The following POU2F2 variants were observed in gnomAD, a reference collection of about 807,000 sequenced individuals.
The protein encoded by POU2F2 is POU class 2 homeobox 2.
Under a neutral mutation model 63.5 loss-of-function variants are expected in POU2F2, and 14 were observed. The observed-to-expected ratio is 0.22, with a 90% CI of 0.15 to 0.34. The LOEUF (loss-of-function observed/expected upper bound fraction) is 0.34. Ranked by LOEUF, POU2F2 falls within the 10% of genes least tolerant of loss-of-function variation. POU2F2 has a pLI of 1.00. For synonymous variants in POU2F2, 306 were observed against 348.6 expected (o/e 0.88, Z 1.36); for missense variants, 607 against 815.2 (o/e 0.74, Z 3.11).
intron 1 of POU2F2, among the ~76,000 whole-genome samples, chr19:42,190,481 C>G (rs776377984): frequency 1.4e-4 from 21 of 152,018 alleles, no homozygotes; most frequent in Non-Finnish European, 2.8e-4. Context: ...ATGTGCTACT[C>G]TGCCACCATT....
upstream of POU2F2, among the ~76,000 whole-genome samples, chr19:42,135,946 T>C (rs948401323): frequency 7.9e-5 from 12 of 151,904 alleles, no homozygotes; most frequent in African/African-American, 2.9e-4. Context: ...CCTGAGATCA[T>C]GTGATCCACA....
At chr19:42,130,725 CT>C (rs1018969586) in intron 1 of POU2F2, among the ~76,000 whole-genome samples, 2 of 151,440 alleles carry the variant, frequency 1.3e-5, no homozygotes, top group African/African-American at 4.9e-5. Context: ...TCCTCACCGC[CT>C]TTGCTTGCTC....
upstream of POU2F2, among the ~76,000 whole-genome samples, chr19:42,135,859 C>T (rs962717087): frequency 6.6e-6 from 1 of 152,024 alleles, no homozygotes; most frequent in African/African-American, 2.4e-5. Flanking sequence ...TACAGGTGCA[C>T]ACCACCAGGC....
intron 5 of POU2F2, among the ~76,000 whole-genome samples, chr19:42,100,966 G>A (rs933454745): frequency 6.6e-6 from 1 of 151,988 alleles, no homozygotes; most frequent in African/African-American, 2.4e-5. Context: ...AGGCATGGTG[G>A]CACACACTTG....
intron 1 of POU2F2, among the ~76,000 whole-genome samples, chr19:42,190,122 G>A (rs1599733998): frequency 1.3e-5 from 2 of 152,248 alleles, no homozygotes; most frequent in Non-Finnish European, 2.9e-5. Context: ...TGTGGAAACA[G>A]GGAAGGGAAG....
Position 42,091,922 on chromosome 19 carries a change from C to G in POU2F2, c.1485G>C (p.Leu495Phe), listed in dbSNP as rs1415069362. ...TGAGGGCTGGACTCAGCCCGGAGCT[C>G]AACCCCACCATTGTGCTTCTGCAAG... ...NPSTGSTMVG[L>F]SSGLSPALMS... The change falls in exon 14 of 15, where the codon TTG (leucine) becomes TTC (phenylalanine). Residue 495 changes from leucine (L) to phenylalanine (F), a missense_variant. Leu to Phe is a conservative substitution (Grantham distance 22). Transcript: ENST00000692977. 6 of 1,541,356 alleles carry G rather than the reference C, an allele frequency of 3.9e-6. No individual in the cohort carries two copies. The highest frequency in any genetic ancestry group is 4.4e-6 in the Non-Finnish European group (5 of 1,146,270).
In POU2F2 at chr19:42,091,461, C is replaced by T. The variant is rs1218034291; in HGVS notation, c.1671G>A (p.Gly557=). The change falls in exon 15 of 15, where the codon GGG becomes GGA. Residue 557 remains glycine (G), a synonymous_variant. Transcript: ENST00000692977. Reference sequence around the variant, plus strand: ...CAGGCGGGGTGCTGAGCAGGGGCAGCCCAGCATGATTCAAGAAGAGCGGCG... The same window carrying T: ...CAGGCGGGGTGCTGAGCAGGGGCAGTCCAGCATGATTCAAGAAGAGCGGCG... ...VTSPLFLNHA[G]LPLLSTPPGV... 2 of 1,550,336 alleles carry T rather than the reference C, an allele frequency of 1.3e-6. No homozygotes were observed. Among genetic ancestry groups the T allele is most frequent in the Middle Eastern group, 1.7e-4 (1 of 5,904 alleles).
chr19:42,172,688 C>T (rs752321265), intron 1 of POU2F2, among the ~76,000 whole-genome samples: 1 of 152,148 alleles, frequency 6.6e-6, no homozygotes, highest in African/African-American at 2.4e-5. Context: ...CAGGCCCAGC[C>T]CCAAACCATC....
chr19:42,109,786 G>A (rs917907018), intron 5 of POU2F2, among the ~76,000 whole-genome samples: 9 of 152,078 alleles, frequency 5.9e-5, no homozygotes, highest in Non-Finnish European at 8.8e-5. Context: ...ATTACACTGC[G>A]CCACTGTGTC....
rs369280339 is a variant in POU2F2, at chr19:42,093,915, G to T, written c.1198-20C>A. ...TGTGACCTGAGGAGAGAAGAAAGGA[G>T]GTGTGGTTAGCCACTGTCTGCCAGC... On this transcript the variant is annotated intron_variant, in intron 11 of 14. Transcript: ENST00000692977. The T allele has an allele frequency of 8.1e-6, 13 of 1,600,674 alleles. No homozygotes were observed. The highest frequency in any genetic ancestry group is 1.1e-5 in the Non-Finnish European group (13 of 1,169,704).
In POU2F2 at chr19:42,162,099, C is replaced by G. The variant is rs2034563642; in HGVS notation, c.-69-1707G>C. Among the ~76,000 whole-genome samples, 1 of 152,110 alleles carries G rather than the reference C, an allele frequency of 6.6e-6. No individual in the cohort carries two copies. Among genetic ancestry groups the G allele is most frequent in the Non-Finnish European group, 1.5e-5 (1 of 68,004 alleles). On this transcript the variant is annotated intron_variant, in intron 1 of 6. Transcript: ENST00000524801. This position sits in a 1 kb window ranked among gnomAD's most constrained non-coding sequence, Gnocchi z 4.1. ...AGGGAATCCCCAGGCCTCGGGGGGG[C>G]CAGAGTCAGACAGCGCCTTAGGGCT...
At chr19:42,120,148 C>T (rs985351930) in intron 4 of POU2F2, among the ~76,000 whole-genome samples, 37 of 151,548 alleles carry the variant, frequency 2.4e-4, no homozygotes, top group African/African-American at 7.5e-4. Flanking sequence ...CGGGCTCAAG[C>T]GATCTACCCA....
chr19:42,123,294 C>T (rs532982064), intron 1 of POU2F2: 1 of 152,468 alleles, frequency 6.6e-6, no homozygotes, highest in South Asian at 2.1e-4. Flanking sequence ...TGAGCCCCAG[C>T]TGCAGTCTCA....
At chr19:42,104,335 C>G (rs1366392007) in intron 5 of POU2F2, among the ~76,000 whole-genome samples, 1 of 152,032 alleles carries the variant, frequency 6.6e-6, no homozygotes, top group Non-Finnish European at 1.5e-5. Context: ...CATTCTACTG[C>G]TAAAAATTTA....
chr19:42,098,424 A>AG (rs1294547361), intron 7 of POU2F2, among the ~76,000 whole-genome samples: 3 of 151,876 alleles, frequency 2.0e-5, no homozygotes, highest in East Asian at 3.8e-4. Context: ...AAAAAAAAAA[A>AG]AAAAACAAAA....
chr19:42,087,392 C>T lies in POU2F2; in HGVS notation c.*3865G>A, dbSNP rs1037626721. 4.6e-5 allele frequency: 7 copies of T among 152,132 alleles called. No homozygotes were observed. Among genetic ancestry groups the T allele is most frequent in the East Asian group, 1.9e-4 (1 of 5,168 alleles). The allele number at this position is 152,132 out of a possible 1,614,324, so 9.4% of individuals were successfully genotyped here. A position where few individuals can be genotyped will look rare whatever the true frequency, so the allele number is the denominator to read the frequency against. ...GGTCACCCTGACTTGGCTAGTCCCT[C>T]GCCAGATCTCCCCAGGGCTTGGAGA... On this transcript the variant is annotated 3_prime_UTR_variant, in exon 15 of 15. Coordinates refer to ENST00000692977, the MANE Select transcript of POU2F2 (RefSeq NM_001394376.1).
rs2034712614 is a variant in POU2F2 at position 42,169,348 on chromosome 19, C to A, written c.-70+6615G>T. On this transcript the variant is annotated intron_variant, in intron 1 of 6. Coordinates refer to the POU2F2 transcript ENST00000524801. This position sits in a 1 kb window ranked among gnomAD's most constrained non-coding sequence, Gnocchi z 4.3. ...AACAAATCTCCACACGAGGAGCACC[C>A]TGGTGTTTTGGTGTCTGTCTTGCCC... Among the ~76,000 whole-genome samples the A allele has an allele frequency of 6.6e-6, 1 of 152,174 alleles. No homozygotes were observed. The highest frequency in any genetic ancestry group is 2.1e-4 in the South Asian group (1 of 4,832).
chr19:42,190,822 G>A (rs1008186624), intron 1 of POU2F2, among the ~76,000 whole-genome samples: 3 of 152,122 alleles, frequency 2.0e-5, no homozygotes, highest in Admixed American at 6.5e-5. Flanking sequence ...ATACCTGGTA[G>A]GCCAAGGAAG....
rs1454062091 is a variant in POU2F2, at chr19:42,117,382, G to C, written c.237C>G (p.Cys79Trp). ...CAGCCTTGATCTGGGGGGGAGAGAG[G>C]CAGGGTCCGGGACCCCAGAATGTTA... ...LHLTFWGPGP[C>W]LSPPQIKAED... The change falls in exon 5 of 15, where the codon TGC becomes TGG. Residue 79 changes from cysteine (C) to tryptophan (W), a missense_variant. Physicochemically the swap from Cys to Trp is radical, Grantham distance 215. Around this residue, in one of 7 missense-constraint regions of POU2F2, gnomAD observed 224 missense variants for 264.3 expected, o/e 0.85. Transcript: ENST00000692977. This position sits in a 1 kb window ranked among gnomAD's most constrained non-coding sequence, Gnocchi z 4.4. 1 of 1,504,992 alleles carries C rather than the reference G, an allele frequency of 6.6e-7. No individual in the cohort carries two copies. The highest frequency in any genetic ancestry group is 1.3e-5 in the South Asian group (1 of 78,068). 93.2% of individuals were successfully genotyped at this position (1,504,992 alleles called of 1,614,324 possible). A position where few individuals can be genotyped will look rare whatever the true frequency, so the allele number is the denominator to read the frequency against.
Sources: allele counts gnomAD v4.1 joint callset (sites outside exome capture counted in the v4.1 genomes callset), GRCh38; gene constraint gnomAD v4.1.1; regional missense constraint gnomAD v4.1.1; non-coding constraint Gnocchi (gnomAD v3.1); transcripts MANE v1.5; gene names NCBI Gene and HGNC (gene_info 2026-07-23, HGNC 2026-07-21).